OSBPL5: variants seen among roughly 807,000 people sequenced by gnomAD.
The protein encoded by OSBPL5 is oxysterol-binding protein-related protein 5.
Under a neutral mutation model 111.2 loss-of-function variants are expected in OSBPL5, and 71 were observed. The ratio of observed to expected loss-of-function variants is 0.64; its 90% confidence interval spans 0.53 to 0.78. The LOEUF is 0.78. Ranked by LOEUF, OSBPL5 falls within the 30% of genes least tolerant of loss-of-function variation. The pLI is 0.00. For missense variants in OSBPL5, 1,210 were observed against 1,189.3 expected, an observed-to-expected ratio of 1.02 and a Z score of -0.26; for synonymous variants, 549 against 513.9, an observed-to-expected ratio of 1.07 and a Z score of -0.93.
intron 1 of OSBPL5, among the ~76,000 whole-genome samples, chr11:3,147,254 G>A (rs1315146952): frequency 6.6e-6 from 1 of 152,196 alleles, no homozygotes; most frequent in African/African-American, 2.4e-5. Flanking sequence ...GCTGGCAGAG[G>A]CCCTGGGAGG....
intron 1 of OSBPL5, among the ~76,000 whole-genome samples, chr11:3,133,624 T>C (rs1263604168): frequency 1.3e-5 from 2 of 152,220 alleles, no homozygotes; most frequent in Non-Finnish European, 2.9e-5. Context: ...AATGACTCTC[T>C]GCTCATCTGT....
chr11:3,099,164 G>A (rs996324024), intron 14 of OSBPL5, among the ~76,000 whole-genome samples: 10 of 152,170 alleles, frequency 6.6e-5, no homozygotes, highest in African/African-American at 2.2e-4. Flanking sequence ...GCTCCACACC[G>A]TATGATTCCA....
Position 3,122,041 on chromosome 11 carries a change from C to T in OSBPL5, c.358G>A (p.Ala120Thr), listed in dbSNP as rs769784989. 16 of 1,582,634 alleles carry T rather than the reference C, an allele frequency of 1.0e-5. No homozygotes were observed. The highest frequency in any genetic ancestry group is 5.4e-5 in the African/African-American group (4 of 74,614). ...ATGACCACGCTGGGGTCTGTCAGAG[C>T]GCTGAGCAGCTGCCGTGTGGCGCGC... The part of the protein sequence containing the change: ...KKRATRQLLS[A>T]LTDPSVVIMA... The change falls in exon 5 of 22, where the codon GCT becomes ACT. Residue 120 changes from alanine to threonine, a missense_variant. Transcript: ENST00000263650.
chr11:3,132,885 C>T (rs750374650), intron 1 of OSBPL5, among the ~76,000 whole-genome samples: 6 of 152,206 alleles, frequency 3.9e-5, no homozygotes, highest in Non-Finnish European at 2.9e-5. Context: ...CAGGGACACG[C>T]GGTAGGTGCT....
intron 3 of OSBPL5, among the ~76,000 whole-genome samples, chr11:3,122,995 G>A (rs1858476379): frequency 6.6e-6 from 1 of 152,204 alleles, no homozygotes; most frequent in African/African-American, 2.4e-5. Context: ...GCTGCTCCTT[G>A]GCCATTGCAT....
chr11:3,150,940 G>A (rs1434131818), intron 1 of OSBPL5, among the ~76,000 whole-genome samples: 6 of 152,096 alleles, frequency 3.9e-5, no homozygotes, highest in East Asian at 1.9e-4. Context: ...ACCCTCTCCC[G>A]GCGGTGGAGG....
intron 7 of OSBPL5, among the ~76,000 whole-genome samples, chr11:3,114,469 A>T (rs909741353): frequency 5.4e-5 from 8 of 149,398 alleles, no homozygotes; most frequent in South Asian, 2.1e-4. Context: ...AGGATCTATT[A>T]AAAAAAAACC....
rs1384663599 is a variant in OSBPL5 at position 3,093,018 on chromosome 11, C to A, written c.1981G>T (p.Gly661Cys). 1.2e-6 allele frequency: 2 copies of A among 1,601,014 alleles called. No homozygotes were observed. Among genetic ancestry groups the A allele is most frequent in the Non-Finnish European group, 1.7e-6 (2 of 1,175,184 alleles). ...TCCTGTGTGGCCCTGTGCTGGTCGC[C>A]CTTGCTGATGGCCCTGGTGACGTGC... ...WQHVTRAISK[G>C]DQHRATQEKF... is the part of the protein sequence containing the mutation. The change falls in exon 18 of 22, where the codon GGC (glycine) becomes TGC (cysteine). Residue 661 changes from glycine to cysteine, a missense_variant. By Grantham distance (159) the Gly-to-Cys change is radical. Coordinates refer to ENST00000263650, the MANE Select transcript of OSBPL5 (RefSeq NM_020896.4).
At chr11:3,160,000 G>GCCACCATCA (rs1384422729) in intron 1 of OSBPL5, among the ~76,000 whole-genome samples, 1 of 152,200 alleles carries the variant, frequency 6.6e-6, no homozygotes, top group Non-Finnish European at 1.5e-5. Context: ...GGCGGTGCCT[G>GCCACCATCA]CCACCATCAC....
In OSBPL5 at chr11:3,130,587, C is replaced by T. The variant is rs11025537; in HGVS notation, c.-21-1418G>A. ...ATGCAGCCAGGCTGGGCCAGCCCCT[C>T]CCTCACCTGGCCCCTGGCTCGGCTC... is the stretch of plus-strand genomic sequence containing the variant. On this transcript the variant is annotated intron_variant, in intron 1 of 21. Transcript: ENST00000263650. This position sits in a 1 kb window ranked among gnomAD's most constrained non-coding sequence, Gnocchi z 4.5. Among the ~76,000 whole-genome samples, 21,684 of 152,148 alleles carry T rather than the reference C, an allele frequency of 0.14. 1,610 individuals are homozygous for T. The highest frequency in any genetic ancestry group is 0.19 in the East Asian group (960 of 5,144).
rs2412134 is a variant in OSBPL5, at chr11:3,090,552, G to T, written c.2398+6C>A. ...AGGCCTTGGGGCTGGGCCCAAGGGG[G>T]CTCACCAGGGACAAAGTCACCATCC... On this transcript the variant is annotated splice_donor_region_variant and intron_variant, in intron 20 of 21. Transcript: ENST00000263650. The T allele has an allele frequency of 6.2e-7, 1 of 1,611,750 alleles. No individual in the cohort carries two copies. Among genetic ancestry groups the T allele is most frequent in the South Asian group, 1.1e-5 (1 of 91,010 alleles).
chr11:3,151,278 C>G (rs1052918646), intron 1 of OSBPL5, among the ~76,000 whole-genome samples: 20 of 152,172 alleles, frequency 1.3e-4, no homozygotes, highest in Non-Finnish European at 1.3e-4. Flanking sequence ...GTGAATGACT[C>G]TGTGTTGTTC....
At chr11:3,151,232 C>A in intron 1 of OSBPL5, among the ~76,000 whole-genome samples, 1 of 152,240 alleles carries the variant, frequency 6.6e-6, no homozygotes. Flanking sequence ...GCAGCCCTGC[C>A]GGCACTGGGA....
At chr11:3,123,949 C>T (rs1858510243) in intron 3 of OSBPL5, among the ~76,000 whole-genome samples, 1 of 152,184 alleles carries the variant, frequency 6.6e-6, no homozygotes, top group Non-Finnish European at 1.5e-5. Flanking sequence ...CAGGCTTGGC[C>T]TTAGGCACTG....
intron 21 of OSBPL5, 87 bp from the exon 22 acceptor site, chr11:3,088,430 G>T: frequency 7.4e-7 from 1 of 1,343,352 alleles, no homozygotes; most frequent in South Asian, 1.8e-5. Context: ...CTGGGTACTT[G>T]ACCAGGTGCT....
At chr11:3,135,154 C>T (rs534336858) in intron 1 of OSBPL5, among the ~76,000 whole-genome samples, 30 of 152,222 alleles carry the variant, frequency 2.0e-4, no homozygotes, top group Non-Finnish European at 3.1e-4. Flanking sequence ...ACCTGAAGTG[C>T]GCCCTGGCGG....
chr11:3,122,867 G>C (rs747765951), intron 3 of OSBPL5, among the ~76,000 whole-genome samples: 2 of 152,198 alleles, frequency 1.3e-5, no homozygotes, highest in Non-Finnish European at 2.9e-5. Context: ...AGAGGAGCTC[G>C]GCGGCGGCCA....
rs542795956 is a variant in OSBPL5 at position 3,089,750 on chromosome 11, G to A, written c.2501+96C>T. 1.3e-4 allele frequency: 155 copies of A among 1,172,330 alleles called. 1 individual carries two copies. The African/African-American group carries it at 1.6e-3, about 12-fold the overall frequency. The allele number at this position is 1,172,330 out of a possible 1,614,324, so 72.6% of individuals were successfully genotyped here. A position where few individuals can be genotyped will look rare whatever the true frequency, so the allele number is the denominator to read the frequency against. On this transcript the variant is annotated intron_variant, in intron 21 of 21. Transcript: ENST00000263650. Reference sequence around the variant, plus strand: ...TCCAGCTCCGATGACAACCCCAGCCGCGGCCTCCTGGCCTCCCCACCTCCC... The same window carrying A: ...TCCAGCTCCGATGACAACCCCAGCCACGGCCTCCTGGCCTCCCCACCTCCC...
chr11:3,092,546 C>T lies in OSBPL5; in HGVS notation c.2145G>A (p.Trp715Ter). ...ACTGGGCGATGTCCTTCAGGGGGTC[C>T]CAGGGGCTGTGGCTGGAGGGTCCAG... ...WHYRYEDHSP[W>*]DPLKDIAQFE... is the part of the protein sequence containing the mutation. The change falls in exon 19 of 22, where the codon TGG (tryptophan) becomes TGA (stop). Residue 715 changes from tryptophan to a stop codon, truncating the protein, a stop_gained. Transcript: ENST00000263650. LOFTEE classifies it high-confidence loss of function. The surrounding 1 kb of genome is among the most constrained non-coding windows in gnomAD (Gnocchi z 5.4). 6.3e-7 allele frequency: 1 copy of T among 1,591,156 alleles called. No homozygotes were observed. The highest frequency in any genetic ancestry group is 2.3e-5 in the East Asian group (1 of 43,890).
Sources: gnomAD v4.1 joint callset for allele counts (sites outside exome capture counted in the v4.1 genomes callset) on GRCh38, gnomAD v4.1.1 for gene constraint, Gnocchi (gnomAD v3.1) non-coding constraint, MANE v1.5 for transcripts, NCBI Gene and HGNC (gene_info 2026-07-23, HGNC 2026-07-21) for gene names.